The following ABLIM1 variants were observed in gnomAD, a reference collection of about 807,000 sequenced individuals.
ABLIM1 encodes actin-binding LIM protein 1.
In ABLIM1, 40 loss-of-function variants were observed where a neutral mutation model predicts 107.0. The ratio of observed to expected loss-of-function variants is 0.37; its 90% confidence interval spans 0.29 to 0.49. The LOEUF is 0.49. Ranked by LOEUF, ABLIM1 falls within the 20% of genes least tolerant of loss-of-function variation. ABLIM1 has a pLI of 0.97. For missense variants in ABLIM1, 857 were observed against 1,008.5 expected (o/e 0.85, Z 2.04); for synonymous variants, 357 against 357.3 (o/e 1.00, Z 0.01).
chr10:114,507,039 C>T (rs2061248908), intron 6 of ABLIM1, among the ~76,000 whole-genome samples: 1 of 152,188 alleles, frequency 6.6e-6, no homozygotes, highest in Non-Finnish European at 1.5e-5. Context: ...ACAGATGGTT[C>T]AGCTCTATAG....
intron 1 of ABLIM1, among the ~76,000 whole-genome samples, chr10:114,720,939 T>G (rs913899471): frequency 6.6e-6 from 1 of 152,184 alleles, no homozygotes; most frequent in Non-Finnish European, 1.5e-5. Context: ...AGCAGTGGCT[T>G]AGAACCAAAC....
At chr10:114,739,532 A>C (rs549036802) in intron 1 of ABLIM1, among the ~76,000 whole-genome samples, 1 of 152,350 alleles carries the variant, frequency 6.6e-6, no homozygotes, top group South Asian at 2.1e-4. Flanking sequence ...ATTGTTTGAA[A>C]GTATTAATTC....
At chr10:114,742,598 T>C (rs2082308714) in intron 1 of ABLIM1, among the ~76,000 whole-genome samples, 1 of 152,204 alleles carries the variant, frequency 6.6e-6, no homozygotes, top group African/African-American at 2.4e-5. Context: ...AACTTTAGTG[T>C]GCCGCAGTTT....
At chr10:114,768,691 G>A (rs187006235), upstream of ABLIM1, among the ~76,000 whole-genome samples, 6 of 152,122 alleles carry the variant, frequency 3.9e-5, no homozygotes, top group African/African-American at 1.4e-4. Context: ...TTTTCCTCCA[G>A]CGACCCTCGA....
At chr10:114,471,366 G>A (rs991734779) in intron 10 of ABLIM1, among the ~76,000 whole-genome samples, 1 of 152,144 alleles carries the variant, frequency 6.6e-6, no homozygotes, top group South Asian at 2.1e-4. Flanking sequence ...TTGCTTGTAT[G>A]GGTTAAACAT....
At chr10:114,661,797 T>C (rs1233301895), upstream of ABLIM1, among the ~76,000 whole-genome samples, 1 of 152,136 alleles carries the variant, frequency 6.6e-6, no homozygotes, top group Non-Finnish European at 1.5e-5. Flanking sequence ...AGCTCTTCTA[T>C]GATAGACTAT....
In ABLIM1 at chr10:114,436,281, C is replaced by T; in HGVS notation, c.2316G>A (p.Lys772=). 1.2e-6 allele frequency: 2 copies of T among 1,613,408 alleles called. No individual in the cohort carries two copies. The highest frequency in any genetic ancestry group is 1.7e-6 in the Non-Finnish European group (2 of 1,179,764). The change falls in exon 23 of 23, where the codon AAG becomes AAA. Residue 772 remains lysine (K), a synonymous_variant. Coordinates refer to ENST00000533213, the MANE Select transcript of ABLIM1 (RefSeq NM_002313.7). ...RLPLWRRNDM[K]KKAKLF ...GGACTTAGAAGAGTTTTGCTTTTTTCTTCATGTCGTTGCGTCTCCAAAGAG... is the reference window on the plus strand; with the variant it reads ...GGACTTAGAAGAGTTTTGCTTTTTTTTTCATGTCGTTGCGTCTCCAAAGAG...
At chr10:114,519,427 C>A (rs564299664) in intron 6 of ABLIM1, among the ~76,000 whole-genome samples, 1 of 152,186 alleles carries the variant, frequency 6.6e-6, no homozygotes, top group South Asian at 2.1e-4. Flanking sequence ...CTTTTTTCCC[C>A]GCCCAGCACA....
intron 1 of ABLIM1, among the ~76,000 whole-genome samples, chr10:114,765,609 T>C (rs757286833): frequency 3.3e-5 from 5 of 152,188 alleles, no homozygotes; most frequent in Non-Finnish European, 7.3e-5. Context: ...AGTTTTGAAA[T>C]CTTTTAAAAA....
In ABLIM1 at chr10:114,588,473, CT is replaced by C. The variant is rs571014334; in HGVS notation, c.380-12875del. Among the ~76,000 whole-genome samples, 46 of 133,032 alleles carry C rather than the reference CT, an allele frequency of 3.5e-4. No individual in the cohort carries two copies. In the South Asian group the frequency reaches 0.011, roughly 33 times the overall value. The allele number at this position is 133,032 out of a possible 152,430, so 87.3% of individuals were successfully genotyped here. A position where few individuals can be genotyped will look rare whatever the true frequency, so the allele number is the denominator to read the frequency against. On this transcript the variant is annotated intron_variant, in intron 2 of 22. Transcript: ENST00000533213. ...GTAGCTGAAATACTCTCCTTTTTTT[CT>C]TTTTCTTTCTTTCTTTTTTTTTTTT... is the stretch of plus-strand genomic sequence containing the variant.
At chr10:114,746,688 G>T (rs1217220755) in intron 1 of ABLIM1, among the ~76,000 whole-genome samples, 1 of 152,154 alleles carries the variant, frequency 6.6e-6, no homozygotes, top group Non-Finnish European at 1.5e-5. Flanking sequence ...CAGCTTACAA[G>T]AAAGGGTTTT....
chr10:114,580,178 CTTTAT>C (rs1186587093), intron 2 of ABLIM1, among the ~76,000 whole-genome samples: 1 of 145,312 alleles, frequency 6.9e-6, no homozygotes, highest in African/African-American at 2.5e-5. Flanking sequence ...TAACCCACTC[CTTTAT>C]TTTAATATTA....
At chr10:114,537,486 A>G (rs906793111) in intron 6 of ABLIM1, among the ~76,000 whole-genome samples, 2 of 152,172 alleles carry the variant, frequency 1.3e-5, no homozygotes, top group African/African-American at 2.4e-5. Context: ...GCATGTTTGT[A>G]TCCATTCACC....
intron 4 of ABLIM1, among the ~76,000 whole-genome samples, chr10:114,562,063 C>G (rs1003014455): frequency 2.6e-5 from 4 of 152,148 alleles, no homozygotes; most frequent in Admixed American, 1.3e-4. Context: ...GATTCCAAAG[C>G]CTCTCAACAC....
At position 114,436,007 on chromosome 10, in the gene ABLIM1, A is replaced by G; in HGVS notation, c.*253T>C. ...CAGCTCCTGTTGTATACATAAGGTA[A>G]TGTGAAAAGCTCACATGTGGACACT... is the stretch of plus-strand genomic sequence containing the variant. On this transcript the variant is annotated 3_prime_UTR_variant, in exon 23 of 23. Coordinates refer to ENST00000533213, the MANE Select transcript of ABLIM1 (RefSeq NM_002313.7). 1 of 440,412 alleles carries G rather than the reference A, an allele frequency of 2.3e-6. No individual in the cohort carries two copies. 27.3% of individuals were successfully genotyped at this position (440,412 alleles called of 1,614,324 possible).
At chr10:114,684,369 G>A (rs2080875523) in exon 1 of ABLIM1, 1 of 1,613,952 alleles carries the variant, frequency 6.2e-7, no homozygotes, top group Non-Finnish European at 8.5e-7. Context: ...AAGCTCCAGG[G>A]TTTCAGCTTT....
Position 114,615,462 on chromosome 10 carries a change from C to T in ABLIM1, c.245-13501G>A, listed in dbSNP as rs544881240. The T allele has an allele frequency of 2.1e-4, 89 of 419,120 alleles. 1 individual carries two copies. The highest frequency in any genetic ancestry group is 1.3e-3 in the South Asian group (80 of 59,766). 26.0% of individuals were successfully genotyped at this position (419,120 alleles called of 1,614,324 possible). On this transcript the variant is annotated intron_variant, in intron 1 of 22. Coordinates refer to ENST00000533213, the MANE Select transcript of ABLIM1 (RefSeq NM_002313.7). Reference sequence around the variant, plus strand: ...TACCTTGTTAAAGGCAGTCTCCCTCCGACCCCCATCTCAGTTTCCTCTCTT... The same window carrying T: ...TACCTTGTTAAAGGCAGTCTCCCTCTGACCCCCATCTCAGTTTCCTCTCTT...
the ABLIM1 span, among the ~76,000 whole-genome samples, chr10:114,794,426 T>C: frequency 1.3e-5 from 2 of 152,172 alleles, no homozygotes; most frequent in African/African-American, 4.8e-5. Flanking sequence ...TCAGTAAGTT[T>C]TGCTGAATGA....
intron 1 of ABLIM1, among the ~76,000 whole-genome samples, chr10:114,644,306 A>AAATATATATAT (rs1408072252): frequency 9.4e-4 from 49 of 52,240 alleles, no homozygotes; most frequent in Non-Finnish European, 1.4e-3. Context: ...AAAAAAAAAA[A>AAATATATATAT]ATATATATAT....
Sources: allele counts gnomAD v4.1 joint callset (sites outside exome capture counted in the v4.1 genomes callset), GRCh38; gene constraint gnomAD v4.1.1; transcripts MANE v1.5; gene names NCBI Gene and HGNC (gene_info 2026-07-23, HGNC 2026-07-21).